Variants in NSD2 observed in about 807,000 individuals in gnomAD.
The protein encoded by NSD2 is histone-lysine N-methyltransferase NSD2.
Under a neutral mutation model 139.0 loss-of-function variants are expected in NSD2, and 12 were observed. The observed-to-expected ratio is 0.09, with a 90% CI of 0.06 to 0.14. The LOEUF (loss-of-function observed/expected upper bound fraction) is 0.14. Among genes scored for constraint, NSD2 ranks in the 10% least tolerant of loss-of-function variants. The probability of loss-of-function intolerance (pLI) is 1.00; values close to 1 mark genes in which losing one functional copy is unlikely to be tolerated. For synonymous variants in NSD2, 669 were observed against 648.7 expected (o/e 1.03, Z -0.48); for missense variants, 1,155 against 1,745.0 (o/e 0.66, Z 6.02).
intron 4 of NSD2, among the ~76,000 whole-genome samples, chr4:1,917,872 C>T (rs1284720075): frequency 1.3e-5 from 2 of 150,390 alleles, no homozygotes; most frequent in Non-Finnish European, 2.9e-5. Context: ...TCCGCTGCCT[C>T]CCAGTTCAAG....
intron 1 of NSD2, among the ~76,000 whole-genome samples, chr4:1,895,696 C>T (rs1169035268): frequency 6.6e-6 from 1 of 152,224 alleles, no homozygotes; most frequent in African/African-American, 2.4e-5. Context: ...CTCAGTGGCT[C>T]TCCCGGGGAG....
chr4:1,905,248 GTTC>G (rs1577401152), intron 3 of NSD2, among the ~76,000 whole-genome samples: 1 of 152,230 alleles, frequency 6.6e-6, no homozygotes, highest in East Asian at 1.9e-4. Flanking sequence ...TTTTCTGAAA[GTTC>G]TTCTAGAGTG....
chr4:1,913,906 C>T (rs1034404496), intron 3 of NSD2, among the ~76,000 whole-genome samples: 4 of 152,206 alleles, frequency 2.6e-5, no homozygotes, highest in African/African-American at 7.2e-5. Flanking sequence ...GGGCTGATCC[C>T]TACAGTTCTA....
chr4:1,908,375 C>T (rs758937965), intron 3 of NSD2, among the ~76,000 whole-genome samples: 12 of 152,218 alleles, frequency 7.9e-5, no homozygotes, highest in African/African-American at 1.2e-4. Context: ...GTCGGCTTCT[C>T]TAGGAATTAT....
chr4:1,924,639 A>C (rs1337979343), intron 5 of NSD2, among the ~76,000 whole-genome samples: 1 of 152,076 alleles, frequency 6.6e-6, no homozygotes, highest in Non-Finnish European at 1.5e-5. Flanking sequence ...GGCAGAGTGC[A>C]GTGGCTCACA....
At chr4:1,886,914 A>G (rs1020751493) in intron 1 of NSD2, among the ~76,000 whole-genome samples, 4 of 152,172 alleles carry the variant, frequency 2.6e-5, no homozygotes, top group Non-Finnish European at 5.9e-5. Flanking sequence ...TCTGTGGAAG[A>G]TGATGGAAGA....
intron 1 of NSD2, among the ~76,000 whole-genome samples, chr4:1,884,178 C>T (rs1714910394): frequency 6.6e-6 from 1 of 151,950 alleles, no homozygotes; most frequent in Non-Finnish European, 1.5e-5. Context: ...TCACTGCAAC[C>T]TCTGCCTCCT....
intron 1 of NSD2, among the ~76,000 whole-genome samples, chr4:1,882,155 T>C (rs1332861194): frequency 6.6e-6 from 1 of 152,224 alleles, no homozygotes; most frequent in Non-Finnish European, 1.5e-5. Flanking sequence ...GTGGTCACTC[T>C]GTTCAGGTGA....
Position 1,953,534 on chromosome 4 carries a change from C to A in NSD2, c.2338+10C>A, listed in dbSNP as rs1291582387. The A allele has an allele frequency of 6.3e-7, 1 of 1,596,968 alleles. No homozygotes were observed. Among genetic ancestry groups the A allele is most frequent in the Admixed American group, 1.7e-5 (1 of 59,134 alleles). ...CCAAGGCCGTCAAAAGGTACAGGTGCACCTGCGCAGCCTTGCTGTGGGTTC... is the reference window on the plus strand; with the variant it reads ...CCAAGGCCGTCAAAAGGTACAGGTGAACCTGCGCAGCCTTGCTGTGGGTTC... On this transcript the variant is annotated intron_variant, in intron 12 of 21. Transcript: ENST00000508803.
At chr4:1,939,574 T>A in intron 8 of NSD2, 80 bp from the exon 9 acceptor site, 1 of 1,380,400 alleles carries the variant, frequency 7.2e-7, no homozygotes, top group African/African-American at 1.4e-5. Context: ...GAACTTCACT[T>A]ATTTGAGGGG....
chr4:1,898,672 CAAAAAACAAAA>C (rs1329015857), intron 1 of NSD2, among the ~76,000 whole-genome samples: 11 of 138,332 alleles, frequency 8.0e-5, no homozygotes, highest in African/African-American at 2.8e-4. Flanking sequence ...AAAAAAAAAA[CAAAAAACAAAA>C]AACACACTTT....
At position 1,900,822 on chromosome 4, in the gene NSD2, C is replaced by T. The variant is rs1717056718; in HGVS notation, c.168C>T (p.Ser56=). 2 of 1,614,018 alleles carry T rather than the reference C, an allele frequency of 1.2e-6. No homozygotes were observed. Among genetic ancestry groups the T allele is most frequent in the Middle Eastern group, 1.6e-4 (1 of 6,082 alleles). The part of the protein sequence containing the change: ...VFLSKAQLSS[S]LQEGVMQKFN... ...TCAGCAAAGCCCAGCTCTCCAGTAG[C>T]CTGCAGGAGGGGGTCATGCAGAAGT... Residue 56 remains serine (S), a synonymous_variant, in exon 2 of 22, where the codon AGC becomes AGT. Coordinates refer to ENST00000508803, the MANE Select transcript of NSD2 (RefSeq NM_001042424.3).
chr4:1,961,809 C>G (rs1725399920), intron 18 of NSD2, among the ~76,000 whole-genome samples: 1 of 152,228 alleles, frequency 6.6e-6, no homozygotes, highest in South Asian at 2.1e-4. Context: ...TCATCCCTTC[C>G]CTCACACGGC....
At chr4:1,950,579 C>T (rs150665818) in intron 9 of NSD2, among the ~76,000 whole-genome samples, 1 of 152,208 alleles carries the variant, frequency 6.6e-6, no homozygotes. Flanking sequence ...GACGCATGGT[C>T]TCCACCCCGG....
chr4:1,875,417 G>A (rs950979185), intron 1 of NSD2, among the ~76,000 whole-genome samples: 5 of 151,634 alleles, frequency 3.3e-5, no homozygotes, highest in African/African-American at 1.2e-4. Flanking sequence ...GAGTAGCTGG[G>A]ACAACAGGCA....
chr4:1,944,764 C>T, intron 9 of NSD2: 1 of 1,064,220 alleles, frequency 9.4e-7, no homozygotes, highest in Non-Finnish European at 1.1e-6. Flanking sequence ...TCTAAAATTG[C>T]CCCACCTGCT....
chr4:1,941,740 G>A, intron 9 of NSD2: 1 of 1,047,738 alleles, frequency 9.5e-7, no homozygotes, highest in Non-Finnish European at 1.2e-6. Flanking sequence ...CTTTTGTATG[G>A]CTTAGATAAA....
chr4:1,977,904 AT>A (rs1727274809), intron 21 of NSD2, among the ~76,000 whole-genome samples: 3 of 152,234 alleles, frequency 2.0e-5, no homozygotes, highest in Middle Eastern at 3.4e-3. Context: ...AGGTGGATGG[AT>A]CACTTGAGGT....
chr4:1,909,902 G>C (rs945004513), intron 3 of NSD2, among the ~76,000 whole-genome samples: 1 of 151,472 alleles, frequency 6.6e-6, no homozygotes, highest in Non-Finnish European at 1.5e-5. Context: ...GCCTCCCAAA[G>C]TGCTGTGATT....
Sources: allele counts gnomAD v4.1 joint callset (sites outside exome capture counted in the v4.1 genomes callset), GRCh38; gene constraint gnomAD v4.1.1; transcripts MANE v1.5; gene names NCBI Gene and HGNC (gene_info 2026-07-23, HGNC 2026-07-21).